Variants in GLB1L3 observed in about 807,000 individuals in gnomAD.
GLB1L3 encodes the protein beta-galactosidase-1-like protein 3.
Under a neutral mutation model 89.5 loss-of-function variants are expected in GLB1L3, and 89 were observed. That is an observed-to-expected ratio of 0.99 (90% CI 0.84 to 1.19). GLB1L3 has a LOEUF of 1.19. GLB1L3 is among the 50% of genes most tolerant of loss of function. The pLI is 0.00. For missense variants in GLB1L3, 812 were observed against 813.3 expected (o/e 1.00, Z 0.02); for synonymous variants, 314 against 312.3 (o/e 1.01, Z -0.06).
At chr11:134,291,031 G>A (rs1380209611) in intron 7 of GLB1L3, among the ~76,000 whole-genome samples, 1 of 152,074 alleles carries the variant, frequency 6.6e-6, no homozygotes, top group African/African-American at 2.4e-5. Context: ...CCGAGACAGT[G>A]CTTTCCCCCA....
At chr11:134,307,048 T>A in intron 9 of GLB1L3, 76 bp from the exon 10 acceptor site, 1 of 961,952 alleles carries the variant, frequency 1.0e-6, no homozygotes, top group South Asian at 1.4e-5. Context: ...TTAGTTCCCA[T>A]CTATTGCATT....
At chr11:134,299,607 A>G (rs55783201) in intron 9 of GLB1L3, among the ~76,000 whole-genome samples, 8,894 of 152,236 alleles carry the variant, frequency 0.058, 352 homozygotes, top group Non-Finnish European at 0.081. Flanking sequence ...CTGTGTCTGC[A>G]TTCCCCTCTG....
intron 6 of GLB1L3, among the ~76,000 whole-genome samples, chr11:134,286,272 TGA>T (rs2136124714): frequency 6.6e-6 from 1 of 152,218 alleles, no homozygotes; most frequent in African/African-American, 2.4e-5. Flanking sequence ...AGGAAGAATG[TGA>T]GAGAGAGCTT....
In GLB1L3 at chr11:134,308,622, CCACCAT is replaced by C. The variant is rs1389193758; in HGVS notation, c.962-995_962-990del. On this transcript the variant is annotated intron_variant, in intron 10 of 19. Coordinates refer to ENST00000431683, the MANE Select transcript of GLB1L3 (RefSeq NM_001080407.3). ...ACCTCCACCACCACCACCACTATCACCACCATCACCATCAACACCATCACCACCATC... is the reference window on the plus strand; with the variant it reads ...ACCTCCACCACCACCACCACTATCACCACCATCAACACCATCACCACCATC... 2.4e-4 allele frequency among the ~76,000 whole-genome samples: 35 copies of C among 146,712 alleles called. No individual in the cohort carries two copies. In the East Asian group the frequency reaches 6.6e-3, roughly 28 times the overall value.
At chr11:134,295,552 G>A (rs1941587505) in intron 9 of GLB1L3, among the ~76,000 whole-genome samples, 1 of 152,082 alleles carries the variant, frequency 6.6e-6, no homozygotes, top group Admixed American at 6.5e-5. Flanking sequence ...GATCTTTGCA[G>A]AGAATCAGCT....
chr11:134,293,356 G>A, intron 9 of GLB1L3, 147 bp downstream of exon 9: 1 of 659,250 alleles, frequency 1.5e-6, no homozygotes, highest in Non-Finnish European at 2.7e-6. Context: ...GCCATTTTGG[G>A]AGCCTTTTGG....
chr11:134,309,741 C>T lies in GLB1L3; in HGVS notation c.1077C>T (p.His359=), dbSNP rs752021148. 2 of 1,613,440 alleles carry T rather than the reference C, an allele frequency of 1.2e-6. No homozygotes were observed. The highest frequency in any genetic ancestry group is 1.1e-5 in the South Asian group (1 of 90,916). ...FMNGATYFGK[H]SGIVTSYDYD... is the part of the protein sequence containing the mutation. ...ACGGGGCCACATATTTCGGGAAGCACTCGGGCATTGTCACCAGCTATGGCA... is the reference window on the plus strand; with the variant it reads ...ACGGGGCCACATATTTCGGGAAGCATTCGGGCATTGTCACCAGCTATGGCA... Residue 359 remains histidine (H), a synonymous_variant, in exon 11 of 20, where the codon CAC becomes CAT. Transcript: ENST00000431683.
At chr11:134,317,985 G>A (rs962890905) in intron 18 of GLB1L3, among the ~76,000 whole-genome samples, 1 of 151,976 alleles carries the variant, frequency 6.6e-6, no homozygotes. Flanking sequence ...CTTCCTTTTG[G>A]TTAGGGTTTA....
chr11:134,319,601 G>C (rs960521074), downstream of GLB1L3: 3 of 151,944 alleles, frequency 2.0e-5, no homozygotes, highest in Admixed American at 6.6e-5. Flanking sequence ...GGAAGGGAAA[G>C]GTCTGAAGCC....
At chr11:134,312,524 G>T in intron 14 of GLB1L3, 35 bp downstream of exon 14, 1 of 1,604,372 alleles carries the variant, frequency 6.2e-7, no homozygotes. Flanking sequence ...GGGAAGCAAA[G>T]TGCATCACCT....
chr11:134,285,479 G>A (rs955996344), intron 6 of GLB1L3, among the ~76,000 whole-genome samples: 2 of 152,058 alleles, frequency 1.3e-5, no homozygotes, highest in African/African-American at 4.8e-5. Flanking sequence ...GATGCAGCTC[G>A]AGATGGGATA....
Position 134,318,761 on chromosome 11 carries a change from GTC to G in GLB1L3, c.1896+18_1896+19del. 1 of 1,575,010 alleles carries G rather than the reference GTC, an allele frequency of 6.3e-7. No homozygotes were observed. The highest frequency in any genetic ancestry group is 8.7e-7 in the Non-Finnish European group (1 of 1,145,256). Reference sequence around the variant, plus strand: ...GAAGACAATGAGGTATGTCACTCCAGTCTCTGCCTTGAGATCTCATAAACTTT... The same window carrying G: ...GAAGACAATGAGGTATGTCACTCCAGTCTGCCTTGAGATCTCATAAACTTT... On this transcript the variant is annotated intron_variant, in intron 19 of 19. Transcript: ENST00000431683.
At chr11:134,311,412 A>C in intron 13 of GLB1L3, 1 of 491,014 alleles carries the variant, frequency 2.0e-6, no homozygotes, top group South Asian at 2.3e-5. Context: ...CGCTTAGATG[A>C]ACCTGTCTGG....
chr11:134,297,939 T>A (rs1178575928), intron 9 of GLB1L3, among the ~76,000 whole-genome samples: 2 of 150,826 alleles, frequency 1.3e-5, no homozygotes, highest in Non-Finnish European at 3.0e-5. Flanking sequence ...ACACGACTAA[T>A]CATACTGAAG....
At chr11:134,296,208 A>C (rs1474896114) in intron 9 of GLB1L3, among the ~76,000 whole-genome samples, 2 of 148,560 alleles carry the variant, frequency 1.3e-5, no homozygotes, top group Admixed American at 1.4e-4. Flanking sequence ...GCTGGAGAGG[A>C]TGTGGAGAAA....
chr11:134,277,921 C>G lies in GLB1L3; in HGVS notation c.362+9C>G. 1 of 1,612,826 alleles carries G rather than the reference C, an allele frequency of 6.2e-7. No individual in the cohort carries two copies. The highest frequency in any genetic ancestry group is 8.5e-7 in the Non-Finnish European group (1 of 1,179,556). On this transcript the variant is annotated intron_variant, in intron 3 of 19. Transcript: ENST00000431683. Reference sequence around the variant, plus strand: ...TTCAATACTGTCACCACGTGAGTGCCGGCCCCTCACCTCCAGGATCTCGTT... The same window carrying G: ...TTCAATACTGTCACCACGTGAGTGCGGGCCCCTCACCTCCAGGATCTCGTT...
Position 134,277,457 on chromosome 11 carries a change from C to A in GLB1L3, c.149+6C>A. The A allele has an allele frequency of 6.2e-7, 1 of 1,610,724 alleles. No individual in the cohort carries two copies. Among genetic ancestry groups the A allele is most frequent in the African/African-American group, 1.3e-5 (1 of 74,920 alleles). ...GCGCATCCGTCCCAGCCTAGGTTTG[C>A]TTGAGAGCTACATCCCTGGGGAGGG... On this transcript the variant is annotated splice_donor_region_variant and intron_variant, in intron 2 of 19. Coordinates refer to ENST00000431683, the MANE Select transcript of GLB1L3 (RefSeq NM_001080407.3).
chr11:134,276,830 TC>T, intron 1 of GLB1L3, 67 bp downstream of exon 1: 3 of 1,237,072 alleles, frequency 2.4e-6, no homozygotes, highest in Non-Finnish European at 3.1e-6. Context: ...GCCTCCACCC[TC>T]CCCGGGTTCT....
In GLB1L3 at chr11:134,318,676, C is replaced by T. The variant is rs757572890; in HGVS notation, c.1825C>T (p.Arg609Ter). The change falls in exon 19 of 20, where the codon CGA becomes TGA. Residue 609 changes from arginine to a stop codon, truncating the protein, a stop_gained. Transcript: ENST00000431683. LOFTEE classifies it high-confidence loss of function. ...FVFINGRNLG[R>*]YWNIGPQKTL... ...GTTCATCAATGGACGTAACCTTGGGCGATATTGGAATATTGGGCCTCAGAA... is the reference window on the plus strand; with the variant it reads ...GTTCATCAATGGACGTAACCTTGGGTGATATTGGAATATTGGGCCTCAGAA... 5.5e-5 allele frequency: 89 copies of T among 1,612,694 alleles called. 1 individual carries two copies. In the East Asian group the frequency reaches 1.4e-3, roughly 25 times the overall value.
Sources: allele counts gnomAD v4.1 joint callset (sites outside exome capture counted in the v4.1 genomes callset), GRCh38; gene constraint gnomAD v4.1.1; transcripts MANE v1.5; gene names NCBI Gene and HGNC (gene_info 2026-07-23, HGNC 2026-07-21).